CYP2B6: variants seen among roughly 807,000 people sequenced by gnomAD.
The protein encoded by CYP2B6 is cytochrome P450 family 2 subfamily B member 6.
A neutral mutation model predicts 43.4 loss-of-function variants in CYP2B6; 35 were observed. The observed-to-expected ratio is 0.81, with a 90% CI of 0.62 to 1.07. CYP2B6 has a LOEUF of 1.07. Among genes scored for constraint, CYP2B6 ranks in the 50% least tolerant of loss-of-function variants. CYP2B6 has a pLI of 0.00. For missense variants in CYP2B6, 624 were observed against 632.8 expected, an observed-to-expected ratio of 0.99 and a Z score of 0.15; for synonymous variants, 239 against 239.2, an observed-to-expected ratio of 1.00 and a Z score of 0.01.
At chr19:41,013,349 G>A (rs1309514526) in intron 8 of CYP2B6, among the ~76,000 whole-genome samples, 4 of 152,164 alleles carry the variant, frequency 2.6e-5, no homozygotes, top group African/African-American at 9.7e-5. Context: ...TGCTCTAAAG[G>A]GAGCTTTGGG....
intron 6 of CYP2B6, among the ~76,000 whole-genome samples, chr19:41,011,484 G>A (rs1301536914): frequency 1.3e-5 from 2 of 152,064 alleles, no homozygotes; most frequent in African/African-American, 4.8e-5. Flanking sequence ...TTATTGGTTT[G>A]TTCATTTATT....
chr19:41,012,481 C>A lies in CYP2B6; in HGVS notation c.1148C>A (p.Pro383His). 6.2e-7 allele frequency: 1 copy of A among 1,614,108 alleles called. No individual in the cohort carries two copies. The highest frequency in any genetic ancestry group is 8.5e-7 in the Non-Finnish European group (1 of 1,179,966). Residue 383 changes from proline (P) to histidine (H), a missense_variant, in exon 7 of 9, where the codon CCC (proline) becomes CAC (histidine). Physicochemically the swap from Pro to His is moderately conservative, Grantham distance 77. Transcript: ENST00000324071. ...ACCAGCTTCCGAGGGTACATCATCC[C>A]CAAGGTAAGACCGGCTGGAACCCCA... ...QHTSFRGYII[P>H]KDTEVFLILS...
intron 6 of CYP2B6, among the ~76,000 whole-genome samples, chr19:41,011,648 G>A (rs1187608743): frequency 6.6e-6 from 1 of 152,132 alleles, no homozygotes; most frequent in East Asian, 1.9e-4. Flanking sequence ...ATAAATATTA[G>A]TTCATTTTCT....
At chr19:40,992,901 T>C (rs1968943390) in intron 1 of CYP2B6, among the ~76,000 whole-genome samples, 1 of 152,044 alleles carries the variant, frequency 6.6e-6, no homozygotes, top group African/African-American at 2.4e-5. Flanking sequence ...ATGAAGTCAC[T>C]GGGCCTGTAA....
chr19:40,995,686 T>C (rs564939261), intron 1 of CYP2B6, among the ~76,000 whole-genome samples: 41 of 152,314 alleles, frequency 2.7e-4, no homozygotes, highest in Admixed American at 2.5e-3. Context: ...TCTATTACTA[T>C]TTTACAAGAG....
intron 1 of CYP2B6, among the ~76,000 whole-genome samples, chr19:41,001,220 T>C (rs1294844701): frequency 2.0e-5 from 3 of 152,194 alleles, no homozygotes; most frequent in East Asian, 1.9e-4. Context: ...ATTATGAAAT[T>C]CTCATAGAGT....
intron 6 of CYP2B6, among the ~76,000 whole-genome samples, chr19:41,011,044 G>T (rs1204789860): frequency 7.3e-6 from 1 of 137,222 alleles, no homozygotes; most frequent in East Asian, 2.1e-4. Flanking sequence ...CATTTATTTG[G>T]ATTACTTGAT....
chr19:41,012,631 G>A (rs776913127), intron 7 of CYP2B6, 43 bp from the exon 8 acceptor site: 80 of 1,612,874 alleles, frequency 5.0e-5, no homozygotes, highest in Non-Finnish European at 6.5e-5. Flanking sequence ...GTGGAGGGTT[G>A]GAGGGAATGG....
At position 41,012,314 on chromosome 19, in the gene CYP2B6, G is replaced by C. The variant is rs752025785; in HGVS notation, c.981G>C (p.Glu327Asp). The change falls in exon 7 of 9, where the codon GAG becomes GAC. Residue 327 changes from glutamate to aspartate, a missense_variant. Glu to Asp is a conservative substitution (Grantham distance 45). Coordinates refer to ENST00000324071, the MANE Select transcript of CYP2B6 (RefSeq NM_000767.5). Reference sequence around the variant, plus strand: ...TCTGTACAGAGAGAGTCTACAGGGAGATTGAACAGGTGATTGGCCCACATC... The same window carrying C: ...TCTGTACAGAGAGAGTCTACAGGGACATTGAACAGGTGATTGGCCCACATC... ...YPHVAERVYR[E>D]IEQVIGPHRP... 1 of 1,614,110 alleles carries C rather than the reference G, an allele frequency of 6.2e-7. No individual in the cohort carries two copies. The highest frequency in any genetic ancestry group is 2.2e-5 in the East Asian group (1 of 44,874).
chr19:40,993,690 A>G (rs1021617127), intron 1 of CYP2B6, among the ~76,000 whole-genome samples: 2 of 152,120 alleles, frequency 1.3e-5, no homozygotes, highest in African/African-American at 4.8e-5. Context: ...ATGCTTGCAA[A>G]CCAACTGCTA....
intron 3 of CYP2B6, among the ~76,000 whole-genome samples, chr19:41,006,325 A>AT (rs35039672): frequency 0.55 from 64,538 of 118,410 alleles, 18,771 homozygotes; most frequent in African/African-American, 0.6. Context: ...GTCTAGCTAC[A>AT]TTTTTTTTTT....
intron 3 of CYP2B6, among the ~76,000 whole-genome samples, chr19:41,005,041 A>T (rs1349059873): frequency 3.3e-5 from 5 of 152,116 alleles, no homozygotes; most frequent in African/African-American, 1.2e-4. Context: ...TCATGGATCA[A>T]TTGTGTCTGT....
intron 1 of CYP2B6, among the ~76,000 whole-genome samples, chr19:40,995,516 G>A (rs1334265447): frequency 6.6e-6 from 1 of 152,188 alleles, no homozygotes. Context: ...TCTAGATCAT[G>A]AAAGGTCTGG....
chr19:41,006,282 AT>A (rs1266128382), intron 3 of CYP2B6, among the ~76,000 whole-genome samples: 1 of 148,496 alleles, frequency 6.7e-6, no homozygotes, highest in Non-Finnish European at 1.5e-5. Context: ...CCCCTGGACT[AT>A]TTCAACTGGG....
intron 5 of CYP2B6, chr19:41,009,773 T>C (rs1969249574): frequency 3.3e-6 from 2 of 611,438 alleles, no homozygotes; most frequent in South Asian, 3.9e-5. Flanking sequence ...ATCAAAGAGA[T>C]GTGGAGAGAG....
At chr19:41,011,430 TA>T (rs1969282587) in intron 6 of CYP2B6, among the ~76,000 whole-genome samples, 2 of 152,244 alleles carry the variant, frequency 1.3e-5, no homozygotes, top group African/African-American at 2.4e-5. Context: ...AGTGATTAAT[TA>T]ATCAATCCAT....
chr19:41,013,035 G>A, intron 8 of CYP2B6: 1 of 593,716 alleles, frequency 1.7e-6, no homozygotes, highest in East Asian at 3.0e-5. Context: ...CCTTGGGCAA[G>A]TATTTTAACA....
At position 41,007,003 on chromosome 19, in the gene CYP2B6, T is replaced by A. The variant is rs1216315654; in HGVS notation, c.583T>A (p.Phe195Ile). Reference sequence around the variant, plus strand: ...ACGATTCCACTACCAAGATCAAGAGTTCCTGAAGATGCTGAACTTGTTCTA... The same window carrying A: ...ACGATTCCACTACCAAGATCAAGAGATCCTGAAGATGCTGAACTTGTTCTA... ...GKRFHYQDQE[F>I]LKMLNLFYQT... Residue 195 changes from phenylalanine to isoleucine, a missense_variant, in exon 4 of 9, where the codon TTC (phenylalanine) becomes ATC (isoleucine). Transcript: ENST00000324071. The A allele has an allele frequency of 6.2e-7, 1 of 1,614,000 alleles. No individual in the cohort carries two copies.
chr19:40,997,654 A>G (rs1420821806), intron 1 of CYP2B6, among the ~76,000 whole-genome samples: 1 of 152,164 alleles, frequency 6.6e-6, no homozygotes, highest in Non-Finnish European at 1.5e-5. Flanking sequence ...TTTGGTTATC[A>G]GTTAGACACT....
Sources: allele counts gnomAD v4.1 joint callset (sites outside exome capture counted in the v4.1 genomes callset), GRCh38; gene constraint gnomAD v4.1.1; transcripts MANE v1.5; gene names NCBI Gene and HGNC (gene_info 2026-07-23, HGNC 2026-07-21).